Variants in POLN observed in about 807,000 individuals in gnomAD.
POLN encodes the protein DNA polymerase nu.
A neutral mutation model predicts 113.5 loss-of-function variants in POLN; 108 were observed. The observed-to-expected ratio is 0.95, with a 90% CI of 0.81 to 1.12. The LOEUF is 1.12. POLN is among the 50% of genes most tolerant of loss of function. The pLI, the probability that POLN is intolerant of heterozygous loss-of-function variation, is 0.00. For missense variants in POLN, 1,097 were observed against 1,077.1 expected (o/e 1.02, Z -0.26); for synonymous variants, 386 against 391.5 (o/e 0.99, Z 0.17).
At chr4:2,096,501 C>T (rs1300976494) in intron 19 of POLN, among the ~76,000 whole-genome samples, 2 of 152,148 alleles carry the variant, frequency 1.3e-5, no homozygotes, top group East Asian at 1.9e-4. Context: ...CTGAGTAGCA[C>T]AGGAGCTCCA....
chr4:2,199,176 G>A (rs1274848968), intron 5 of POLN, among the ~76,000 whole-genome samples: 1 of 151,964 alleles, frequency 6.6e-6, no homozygotes, highest in Admixed American at 6.6e-5. Context: ...TTTTTAAAAC[G>A]ACCATTTATA....
Position 2,189,558 on chromosome 4 carries a change from G to C in POLN, c.1021+3646C>G, listed in dbSNP as rs186423726. On this transcript the variant is annotated intron_variant, in intron 7 of 25. Coordinates refer to ENST00000511885, the MANE Select transcript of POLN (RefSeq NM_181808.4). ...GGAGGCTGAGGCAGGAGAATGGCGT[G>C]AACCCAGGAGGCAGAGCTTGCAGTA... is the stretch of plus-strand genomic sequence containing the variant. Among the ~76,000 whole-genome samples the C allele has an allele frequency of 3.1e-3, 471 of 150,524 alleles. 1 individual carries two copies. Among genetic ancestry groups the C allele is most frequent in the African/African-American group, 0.011 (434 of 40,494 alleles).
chr4:2,093,006 T>C lies in POLN; in HGVS notation c.2065+2845A>G, dbSNP rs1730703220. Among the ~76,000 whole-genome samples the C allele has an allele frequency of 6.6e-6, 1 of 152,180 alleles. No homozygotes were observed. Among genetic ancestry groups the C allele is most frequent in the South Asian group, 2.1e-4 (1 of 4,832 alleles). On this transcript the variant is annotated intron_variant, in intron 20 of 25. Coordinates refer to ENST00000511885, the MANE Select transcript of POLN (RefSeq NM_181808.4). The surrounding 1 kb of genome is among the most constrained non-coding windows in gnomAD (Gnocchi z 4.1). Reference sequence around the variant, plus strand: ...GGCTCAGGGTGGGAACCCTTGTCACTGTCACAGCTAAAAGCAGCCAAATTA... The same window carrying C: ...GGCTCAGGGTGGGAACCCTTGTCACCGTCACAGCTAAAAGCAGCCAAATTA...
At chr4:2,231,865 T>TATA in intron 2 of POLN, 1 of 739,830 alleles carries the variant, frequency 1.4e-6, no homozygotes, top group East Asian at 2.8e-5. Flanking sequence ...TAGTGTTTAT[T>TATA]ATACACAGTC....
intron 21 of POLN, among the ~76,000 whole-genome samples, chr4:2,083,985 C>T (rs559789443): frequency 6.6e-6 from 1 of 152,388 alleles, no homozygotes; most frequent in African/African-American, 2.4e-5. Context: ...CCAGCTGGGG[C>T]AGCCAAGTGC....
chr4:2,111,798 G>T (rs1052411523), intron 19 of POLN, among the ~76,000 whole-genome samples: 64 of 152,172 alleles, frequency 4.2e-4, no homozygotes, highest in Admixed American at 2.0e-4. Context: ...TCAATATCGT[G>T]AAAATGGCCA....
chr4:2,174,625 T>C (rs989653416), intron 10 of POLN, 66 bp downstream of exon 10: 4 of 1,333,420 alleles, frequency 3.0e-6, no homozygotes, highest in Non-Finnish European at 3.2e-6. Context: ...TGGAGAAATG[T>C]TCATCCCAAA....
At chr4:2,122,438 G>T (rs1391247477) in intron 19 of POLN, among the ~76,000 whole-genome samples, 1 of 152,150 alleles carries the variant, frequency 6.6e-6, no homozygotes, top group East Asian at 1.9e-4. Flanking sequence ...GTGTTCAGAG[G>T]TAGAGGAGGG....
chr4:2,135,030 C>T (rs940414333), intron 16 of POLN, among the ~76,000 whole-genome samples: 2 of 152,182 alleles, frequency 1.3e-5, no homozygotes, highest in African/African-American at 2.4e-5. Flanking sequence ...CGATATGCAG[C>T]CCAGGGCAGC....
intron 20 of POLN, among the ~76,000 whole-genome samples, chr4:2,094,363 C>CAAAAA (rs57646944): frequency 1.3e-4 from 7 of 53,364 alleles, no homozygotes; most frequent in African/African-American, 2.4e-4. Flanking sequence ...GTTCTGTCTC[C>CAAAAA]AAAAAAAAAA....
chr4:2,237,524 GAGGGA>G (rs1734810007), intron 2 of POLN, among the ~76,000 whole-genome samples: 1 of 151,916 alleles, frequency 6.6e-6, no homozygotes, highest in African/African-American at 2.4e-5. Context: ...GGAAAGGAAG[GAGGGA>G]AGGAAGGAAA....
intron 2 of POLN, chr4:2,232,021 T>C (rs371859569): frequency 8.6e-6 from 13 of 1,507,438 alleles, no homozygotes; most frequent in Non-Finnish European, 1.2e-5. Flanking sequence ...AAAATATACA[T>C]AGAATTCTCT....
chr4:2,186,206 CCATCAT>C (rs1413191945), intron 7 of POLN, among the ~76,000 whole-genome samples: 19 of 152,276 alleles, frequency 1.2e-4, no homozygotes, highest in Non-Finnish European at 2.4e-4. Flanking sequence ...ATCAACTTTC[CCATCAT>C]CTTGGGCCCC....
intron 16 of POLN, chr4:2,139,797 G>A (rs1731950560): frequency 6.6e-6 from 1 of 152,144 alleles, no homozygotes; most frequent in Admixed American, 6.5e-5. Context: ...ACAACGTAAA[G>A]GCCTTGATTA....
intron 2 of POLN, chr4:2,240,392 T>G (rs1734934865): frequency 6.2e-7 from 1 of 1,611,244 alleles, no homozygotes; most frequent in African/African-American, 1.3e-5. Flanking sequence ...TCCCTTGACC[T>G]AAATTAGAAT....
At chr4:2,219,003 C>G (rs987993855) in intron 3 of POLN, among the ~76,000 whole-genome samples, 1 of 152,196 alleles carries the variant, frequency 6.6e-6, no homozygotes, top group Non-Finnish European at 1.5e-5. Flanking sequence ...TATTGCTATA[C>G]TAATTCACTA....
At chr4:2,210,813 T>A (rs1196362474) in intron 4 of POLN, among the ~76,000 whole-genome samples, 1 of 148,912 alleles carries the variant, frequency 6.7e-6, no homozygotes, top group Non-Finnish European at 1.5e-5. Flanking sequence ...CCCAGCTGCT[T>A]GGGAGGCTGA....
chr4:2,107,942 T>G (rs563107290), intron 19 of POLN, among the ~76,000 whole-genome samples: 1 of 152,322 alleles, frequency 6.6e-6, no homozygotes, highest in East Asian at 1.9e-4. Context: ...TTGCTTCTCC[T>G]CTGAGTGTCA....
chr4:2,095,460 G>T (rs1730763310), intron 20 of POLN, among the ~76,000 whole-genome samples: 1 of 152,206 alleles, frequency 6.6e-6, no homozygotes, highest in Non-Finnish European at 1.5e-5. Context: ...GGTGCATGTT[G>T]AGATGTGGCA....
Sources: gnomAD v4.1 joint callset for allele counts (sites outside exome capture counted in the v4.1 genomes callset) on GRCh38, gnomAD v4.1.1 for gene constraint, Gnocchi (gnomAD v3.1) non-coding constraint, MANE v1.5 for transcripts, NCBI Gene and HGNC (gene_info 2026-07-23, HGNC 2026-07-21) for gene names.